GLI2: variants seen among roughly 807,000 people sequenced by gnomAD.
GLI2 encodes the protein GLI family zinc finger 2.
Under a neutral mutation model 78.9 loss-of-function variants are expected in GLI2, and 22 were observed. That is an observed-to-expected ratio of 0.28 (90% CI 0.20 to 0.40). GLI2 has a LOEUF of 0.40. Among genes scored for constraint, GLI2 ranks in the 10% least tolerant of loss-of-function variants. The pLI, the probability that GLI2 is intolerant of heterozygous loss-of-function variation, is 1.00. For missense variants in GLI2, 2,097 were observed against 2,213.2 expected, an observed-to-expected ratio of 0.95 and a Z score of 1.05; for synonymous variants, 974 against 963.7, an observed-to-expected ratio of 1.01 and a Z score of -0.20.
At chr2:120,890,161 A>G (rs1188046418) in intron 2 of GLI2, among the ~76,000 whole-genome samples, 1 of 152,230 alleles carries the variant, frequency 6.6e-6, no homozygotes, top group Non-Finnish European at 1.5e-5. Flanking sequence ...GCCTGTACCA[A>G]TTTGGCTGAA....
At chr2:120,902,666 G>A (rs1678325374) in intron 2 of GLI2, among the ~76,000 whole-genome samples, 1 of 152,224 alleles carries the variant, frequency 6.6e-6, no homozygotes, top group African/African-American at 2.4e-5. Flanking sequence ...CCCTCCAGAG[G>A]CTGTGCTGCC....
At chr2:120,977,009 A>G (rs1281422884) in intron 9 of GLI2, among the ~76,000 whole-genome samples, 1 of 152,272 alleles carries the variant, frequency 6.6e-6, no homozygotes, top group Non-Finnish European at 1.5e-5. Flanking sequence ...AGTGAGGCTA[A>G]TATGATAAGA....
intron 1 of GLI2, among the ~76,000 whole-genome samples, chr2:120,743,661 G>A (rs530483826): frequency 1.3e-5 from 2 of 152,308 alleles, no homozygotes; most frequent in Non-Finnish European, 2.9e-5. Flanking sequence ...TAATTAGCCC[G>A]AACCCCTTGG....
chr2:120,857,244 C>T (rs1376331834), intron 2 of GLI2, among the ~76,000 whole-genome samples: 1 of 152,068 alleles, frequency 6.6e-6, no homozygotes, highest in Non-Finnish European at 1.5e-5. Flanking sequence ...AGAGAGATGA[C>T]AGGAGGAAAT....
At chr2:120,750,113 C>G (rs1057139189) in intron 1 of GLI2, among the ~76,000 whole-genome samples, 18 of 152,240 alleles carry the variant, frequency 1.2e-4, no homozygotes, top group Non-Finnish European at 1.5e-5. Context: ...TTTGTCTCAG[C>G]AGAGACATCC....
chr2:120,899,569 C>T (rs1248074129), intron 2 of GLI2, among the ~76,000 whole-genome samples: 2 of 152,150 alleles, frequency 1.3e-5, no homozygotes, highest in Admixed American at 1.3e-4. Context: ...GAAAAGGTCT[C>T]GTTGGCTGTG....
chr2:120,766,644 G>C (rs575533176), intron 1 of GLI2, among the ~76,000 whole-genome samples: 2 of 152,354 alleles, frequency 1.3e-5, no homozygotes, highest in African/African-American at 4.8e-5. Flanking sequence ...GACTGGCCTG[G>C]TGGCATCCTG....
Position 120,955,270 on chromosome 2 carries a change from G to T in GLI2, c.483G>T (p.Arg161Ser). The T allele has an allele frequency of 6.2e-7, 1 of 1,612,264 alleles. No homozygotes were observed. Among genetic ancestry groups the T allele is most frequent in the Non-Finnish European group, 8.5e-7 (1 of 1,178,812 alleles). ...TGGCCCAGGAGCACCTTAAGGAGAGGGGACTGTTTGGCCTTCCTGCTCCAG... is the reference window on the plus strand; with the variant it reads ...TGGCCCAGGAGCACCTTAAGGAGAGTGGACTGTTTGGCCTTCCTGCTCCAG... ...ADVAQEHLKE[R>S]GLFGLPAPGT... Residue 161 changes from arginine to serine, a missense_variant, in exon 5 of 14, where the codon AGG (arginine) becomes AGT (serine). Arg to Ser is a moderately radical substitution (Grantham distance 110). This residue lies in a region of GLI2 where 578 missense variants were observed against 612.0 expected (regional missense o/e 0.94). Transcript: ENST00000361492.
intron 2 of GLI2, among the ~76,000 whole-genome samples, chr2:120,868,432 T>C (rs1405065717): frequency 6.6e-6 from 1 of 152,258 alleles, no homozygotes; most frequent in Non-Finnish European, 1.5e-5. Context: ...ATCTTTCTTC[T>C]TTTGACTTTC....
chr2:120,838,039 T>G (rs976077074), intron 2 of GLI2, among the ~76,000 whole-genome samples: 1 of 152,210 alleles, frequency 6.6e-6, no homozygotes, highest in Non-Finnish European at 1.5e-5. Flanking sequence ...GGGTTTTGAT[T>G]ATAATTGAGT....
chr2:120,818,345 AG>A (rs1421667534), intron 2 of GLI2, among the ~76,000 whole-genome samples: 1 of 152,220 alleles, frequency 6.6e-6, no homozygotes, highest in Non-Finnish European at 1.5e-5. Flanking sequence ...TTCTCTAATC[AG>A]CCCCTGGGAA....
intron 2 of GLI2, among the ~76,000 whole-genome samples, chr2:120,856,839 T>C (rs1472599707): frequency 6.6e-6 from 1 of 150,844 alleles, no homozygotes; most frequent in African/African-American, 2.5e-5. Flanking sequence ...CGGAAAGGCC[T>C]CTGATGAGGA....
At chr2:120,872,998 T>G (rs1688547776) in intron 2 of GLI2, among the ~76,000 whole-genome samples, 1 of 152,242 alleles carries the variant, frequency 6.6e-6, no homozygotes, top group Admixed American at 6.5e-5. Flanking sequence ...AGAGTTAAGA[T>G]TTTGGAATAT....
intron 1 of GLI2, among the ~76,000 whole-genome samples, chr2:120,796,176 C>T (rs1684384350): frequency 3.3e-5 from 5 of 152,198 alleles, no homozygotes; most frequent in Admixed American, 2.6e-4. Context: ...GGAAGTTGCC[C>T]ATGCCCCGAA....
intron 2 of GLI2, among the ~76,000 whole-genome samples, chr2:120,868,967 T>C (rs1328896953): frequency 6.6e-6 from 1 of 152,116 alleles, no homozygotes; most frequent in African/African-American, 2.4e-5. Flanking sequence ...AGATTTGGGA[T>C]CCTCTCAGTG....
At chr2:120,909,465 C>T (rs996432321) in intron 2 of GLI2, among the ~76,000 whole-genome samples, 1 of 152,200 alleles carries the variant, frequency 6.6e-6, no homozygotes, top group African/African-American at 2.4e-5. Flanking sequence ...GAAAGAAATG[C>T]TCAAAGGACA....
chr2:120,783,123 C>G (rs1683895110), intron 1 of GLI2, among the ~76,000 whole-genome samples: 1 of 152,150 alleles, frequency 6.6e-6, no homozygotes, highest in Non-Finnish European at 1.5e-5. Context: ...AAATTTGGGG[C>G]ACACAGCTTT....
At chr2:120,790,120 C>T (rs574784629) in intron 1 of GLI2, among the ~76,000 whole-genome samples, 15 of 152,192 alleles carry the variant, frequency 9.9e-5, no homozygotes, top group African/African-American at 3.4e-4. Flanking sequence ...CAGGGGATTT[C>T]GGAAGAGCGA....
At chr2:120,966,084 T>C (rs912270428) in intron 5 of GLI2, among the ~76,000 whole-genome samples, 3 of 152,200 alleles carry the variant, frequency 2.0e-5, no homozygotes, top group Non-Finnish European at 4.4e-5. Context: ...AATGTTCTGA[T>C]TAACTCCACT....
Sources: gnomAD v4.1 joint callset for allele counts (sites outside exome capture counted in the v4.1 genomes callset) on GRCh38, gnomAD v4.1.1 for gene constraint, gnomAD v4.1.1 regional missense constraint, MANE v1.5 for transcripts, NCBI Gene and HGNC (gene_info 2026-07-23, HGNC 2026-07-21) for gene names.